PTPRO: variants seen among roughly 807,000 people sequenced by gnomAD.
PTPRO encodes protein tyrosine phosphatase receptor type O, also known as receptor-type tyrosine-protein phosphatase O.
PTPRO carries 62 observed loss-of-function variants against 145.2 expected under a neutral mutation model. The observed-to-expected ratio is 0.43, with a 90% CI of 0.35 to 0.53. PTPRO has a LOEUF of 0.53. PTPRO is among the 20% of genes least tolerant of loss of function. The pLI is 0.01. For synonymous variants in PTPRO, 565 were observed against 514.7 expected (o/e 1.10, Z -1.32); for missense variants, 1,345 against 1,482.7 (o/e 0.91, Z 1.53).
intron 2 of PTPRO, among the ~76,000 whole-genome samples, chr12:15,490,753 C>T (rs1941984352): frequency 6.6e-6 from 1 of 152,066 alleles, no homozygotes; most frequent in Admixed American, 6.6e-5. Context: ...GTATCAATGG[C>T]ATTAAATAGA....
At chr12:15,507,671 A>G (rs1477384721) in intron 6 of PTPRO, among the ~76,000 whole-genome samples, 1 of 152,122 alleles carries the variant, frequency 6.6e-6, no homozygotes, top group Non-Finnish European at 1.5e-5. Context: ...TGGGTTCCAT[A>G]TCTCTTTACT....
At chr12:15,507,682 A>G (rs1591664041) in intron 6 of PTPRO, among the ~76,000 whole-genome samples, 1 of 152,284 alleles carries the variant, frequency 6.6e-6, no homozygotes, top group Admixed American at 6.5e-5. Flanking sequence ...TCTCTTTACT[A>G]TAATTACTAT....
intron 1 of PTPRO, chr12:15,440,063 C>T: frequency 1.6e-6 from 1 of 640,616 alleles, no homozygotes; most frequent in Non-Finnish European, 2.8e-6. Flanking sequence ...CCACACTGTC[C>T]CTTGCAAGGT....
intron 1 of PTPRO, among the ~76,000 whole-genome samples, chr12:15,345,159 A>C (rs202225137): frequency 6.6e-6 from 1 of 152,232 alleles, no homozygotes; most frequent in East Asian, 1.9e-4. Context: ...AAGTGTCAGA[A>C]AGCAATGACA....
chr12:15,503,009 T>C (rs994100642), intron 5 of PTPRO, among the ~76,000 whole-genome samples: 1 of 152,160 alleles, frequency 6.6e-6, no homozygotes, highest in Admixed American at 6.5e-5. Flanking sequence ...GATTCTTCTA[T>C]ACAAGATGAT....
intron 3 of PTPRO, among the ~76,000 whole-genome samples, chr12:15,498,559 AAATGAATG>A (rs549765411): frequency 1.1e-4 from 16 of 152,194 alleles, no homozygotes; most frequent in African/African-American, 3.9e-4. Context: ...CCCCATCTCA[AAATGAATG>A]AATGAATGAA....
intron 1 of PTPRO, among the ~76,000 whole-genome samples, chr12:15,445,896 C>G (rs1940889270): frequency 6.6e-6 from 1 of 152,050 alleles, no homozygotes; most frequent in African/African-American, 2.4e-5. Context: ...AGGACAGAAA[C>G]AGTTCAACTG....
intron 15 of PTPRO, among the ~76,000 whole-genome samples, chr12:15,553,055 C>T (rs947533703): frequency 6.6e-6 from 1 of 152,082 alleles, no homozygotes; most frequent in Non-Finnish European, 1.5e-5. Flanking sequence ...CCACCTCAGC[C>T]TCCCAAAGTG....
At chr12:15,525,482 G>C (rs1215157656) in intron 11 of PTPRO, among the ~76,000 whole-genome samples, 2 of 152,168 alleles carry the variant, frequency 1.3e-5, no homozygotes, top group African/African-American at 2.4e-5. Flanking sequence ...TCTGCTTTAA[G>C]GGGTCACCCA....
chr12:15,525,928 T>G (rs952970636), intron 11 of PTPRO, among the ~76,000 whole-genome samples: 5 of 152,220 alleles, frequency 3.3e-5, no homozygotes, highest in Admixed American at 1.3e-4. Context: ...ATTTTTCTGA[T>G]GTATATAATG....
At chr12:15,576,741 G>A (rs1239670793) in intron 19 of PTPRO, among the ~76,000 whole-genome samples, 2 of 152,180 alleles carry the variant, frequency 1.3e-5, no homozygotes, top group Non-Finnish European at 2.9e-5. Flanking sequence ...TATAAAAAAG[G>A]AAGGTGTGGA....
chr12:15,406,815 A>G (rs1300278963), intron 1 of PTPRO, among the ~76,000 whole-genome samples: 6 of 152,222 alleles, frequency 3.9e-5, no homozygotes, highest in African/African-American at 1.2e-4. Context: ...GTCAGTTTTC[A>G]TTTTACATAA....
rs1183054870 is a variant in PTPRO at position 15,549,117 on chromosome 12, T to G, written c.2328T>G (p.His776Gln). 1.9e-6 allele frequency: 3 copies of G among 1,613,556 alleles called. No individual in the cohort carries two copies. The highest frequency in any genetic ancestry group is 2.5e-6 in the Non-Finnish European group (3 of 1,179,704). ...KLQEPVAVSS[H>Q]VVTISSLLPA... ...AGGAACCAGTTGCTGTTTCTTCCCATGTCGTGACCATCTCCAGCCTTCTTC... is the reference window on the plus strand; with the variant it reads ...AGGAACCAGTTGCTGTTTCTTCCCAGGTCGTGACCATCTCCAGCCTTCTTC... The change falls in exon 14 of 27, where the codon CAT (histidine) becomes CAG (glutamine). Residue 776 changes from histidine to glutamine, a missense_variant. Coordinates refer to ENST00000281171, the MANE Select transcript of PTPRO (RefSeq NM_030667.3).
chr12:15,374,732 A>G (rs574601667), intron 1 of PTPRO, among the ~76,000 whole-genome samples: 1 of 152,350 alleles, frequency 6.6e-6, no homozygotes, highest in South Asian at 2.1e-4. Context: ...ATCACAGATG[A>G]CACAGTACCA....
In PTPRO at chr12:15,578,192, C is replaced by T. The variant is rs143440224; in HGVS notation, c.2830-661C>T. Among the ~76,000 whole-genome samples, 193 of 152,174 alleles carry T rather than the reference C, an allele frequency of 1.3e-3. 1 individual carries two copies. Among genetic ancestry groups the T allele is most frequent in the African/African-American group, 4.5e-3 (188 of 41,506 alleles). ...ACTCATTCCTCACTATTTTTTACTA[C>T]TTTCTCTAAGGCTCATTGCCTACAA... On this transcript the variant is annotated intron_variant, in intron 19 of 26. Transcript: ENST00000281171.
intron 16 of PTPRO, among the ~76,000 whole-genome samples, chr12:15,558,803 TACTC>T (rs1174771679): frequency 1.3e-5 from 2 of 152,348 alleles, no homozygotes; most frequent in South Asian, 2.1e-4. Flanking sequence ...GTGTAGCTGA[TACTC>T]ACTCTAGTTG....
intron 1 of PTPRO, among the ~76,000 whole-genome samples, chr12:15,396,646 C>T (rs1939348434): frequency 1.3e-5 from 2 of 152,134 alleles, no homozygotes; most frequent in South Asian, 4.1e-4. Flanking sequence ...CCACATCAGG[C>T]ACCTACAGGC....
chr12:15,585,507 G>T (rs577708117), intron 23 of PTPRO, among the ~76,000 whole-genome samples: 5 of 152,122 alleles, frequency 3.3e-5, no homozygotes, highest in Admixed American at 6.5e-5. Flanking sequence ...TGTAGGGGAG[G>T]TGATAACTTA....
chr12:15,476,408 G>A (rs1177746577), intron 1 of PTPRO, among the ~76,000 whole-genome samples: 1 of 151,768 alleles, frequency 6.6e-6, no homozygotes, highest in East Asian at 1.9e-4. Context: ...TTTTTGATGG[G>A]GTTGTTTGTT....
Sources: gnomAD v4.1 joint callset for allele counts (sites outside exome capture counted in the v4.1 genomes callset) on GRCh38, gnomAD v4.1.1 for gene constraint, MANE v1.5 for transcripts, NCBI Gene and HGNC (gene_info 2026-07-23, HGNC 2026-07-21) for gene names.